DMD: variants seen among roughly 807,000 people sequenced by gnomAD.
DMD encodes the protein mutant dystrophin.
A neutral mutation model predicts 330.1 loss-of-function variants in DMD; 63 were observed. That is an observed-to-expected ratio of 0.19 (90% CI 0.16 to 0.24). DMD has a LOEUF of 0.24. Ranked by LOEUF, DMD falls within the 10% of genes least tolerant of loss-of-function variation. DMD has a pLI of 1.00. For missense variants in DMD, 3,344 were observed against 2,684.1 expected (o/e 1.25, Z -5.43); for synonymous variants, 1,223 against 959.8 (o/e 1.27, Z -5.07).
chrX:32,530,876 T>C (rs950509991), intron 17 of DMD, among the ~76,000 whole-genome samples: 1 of 112,239 alleles, frequency 8.9e-6, no homozygotes, highest in Non-Finnish European at 1.9e-5. Context: ...TCTATGATCA[T>C]ACAATATAAT....
intron 43 of DMD, among the ~76,000 whole-genome samples, chrX:32,248,152 G>T (rs921669622): frequency 9.0e-6 from 1 of 111,320 alleles, no homozygotes; most frequent in Non-Finnish European, 1.9e-5. Context: ...ATTAAGGAAG[G>T]ATATTATCAA....
intron 16 of DMD, among the ~76,000 whole-genome samples, chrX:32,561,823 T>C (rs1314597554): frequency 8.9e-6 from 1 of 111,824 alleles, no homozygotes; most frequent in East Asian, 2.8e-4. Context: ...GGGAAGCCCA[T>C]CAGGGTAACA....
At position 32,679,902 on chromosome X, in the gene DMD, CTTTTTTTTTTTT is replaced by C. The variant is rs766270656; in HGVS notation, c.960+17956_960+17967del. On this transcript the variant is annotated intron_variant, in intron 9 of 78. Coordinates refer to ENST00000357033, the MANE Select transcript of DMD (RefSeq NM_004006.3). ...TGTTCGTTTCGCTCTAATATTTGTACTTTTTTTTTTTTTTTTTTTTTTTTTTTTTTGAGACGG... is the reference window on the plus strand; with the variant it reads ...TGTTCGTTTCGCTCTAATATTTGTACTTTTTTTTTTTTTTTTTTGAGACGG... Among the ~76,000 whole-genome samples the C allele has an allele frequency of 2.2e-3, 52 of 23,595 alleles. 1 individual carries two copies. The highest frequency in any genetic ancestry group is 7.5e-3 in the South Asian group (2 of 267). The allele number at this position is 23,595 out of a possible 115,157, so 20.5% of individuals were successfully genotyped here.
At chrX:31,449,765 T>TATATATAC (rs1721528567) in intron 59 of DMD, among the ~76,000 whole-genome samples, 1 of 29,137 alleles carries the variant, frequency 3.4e-5, no homozygotes, top group Non-Finnish European at 7.7e-5. Flanking sequence ...AATGGTGTGA[T>TATATATAC]ATATATATAT....
chrX:32,514,066 C>G (rs150770618), intron 18 of DMD, among the ~76,000 whole-genome samples: 3 of 110,100 alleles, frequency 2.7e-5, no homozygotes, highest in Non-Finnish European at 5.7e-5. Flanking sequence ...AAAACACAAC[C>G]GGTTTAAAAG....
chrX:32,710,677 G>GA (rs200585097), intron 7 of DMD, among the ~76,000 whole-genome samples: 22 of 109,163 alleles, frequency 2.0e-4, no homozygotes, highest in African/African-American at 5.6e-4. Context: ...GATATCTACA[G>GA]AAAAAAAAAT....
chrX:32,283,975 G>A (rs892285953), intron 43 of DMD, among the ~76,000 whole-genome samples: 3 of 111,164 alleles, frequency 2.7e-5, no homozygotes, highest in Non-Finnish European at 3.8e-5. Context: ...TTGCAGTGAC[G>A]ATAGCAAGCA....
chrX:31,130,019 T>C (rs1331244757), intron 77 of DMD, among the ~76,000 whole-genome samples: 1 of 111,044 alleles, frequency 9.0e-6, no homozygotes, highest in Non-Finnish European at 1.9e-5. Flanking sequence ...AGGCAAGAGA[T>C]TGTACAGGTA....
At chrX:33,250,760 A>G (rs1396722402) in intron 1 of DMD, among the ~76,000 whole-genome samples, 1 of 111,374 alleles carries the variant, frequency 9.0e-6, no homozygotes, top group Non-Finnish European at 1.9e-5. Context: ...AACCATTTAA[A>G]ATATAAATAT....
At chrX:32,269,100 T>C (rs2097355760) in intron 43 of DMD, among the ~76,000 whole-genome samples, 1 of 110,987 alleles carries the variant, frequency 9.0e-6, no homozygotes, top group Non-Finnish European at 1.9e-5. Flanking sequence ...GCAAATGGGC[T>C]CCCGCGTGCG....
intron 1 of DMD, among the ~76,000 whole-genome samples, chrX:33,094,989 A>T (rs2148333554): frequency 8.9e-6 from 1 of 111,835 alleles, no homozygotes; most frequent in Admixed American, 9.5e-5. Flanking sequence ...TTACAAAAAC[A>T]AATTTGGTTT....
intron 1 of DMD, among the ~76,000 whole-genome samples, chrX:33,062,513 GT>G (rs1432706685): frequency 3.6e-5 from 4 of 112,213 alleles, no homozygotes; most frequent in African/African-American, 1.3e-4. Context: ...GTCTCGTTCT[GT>G]TGCCCAGGCT....
intron 29 of DMD, among the ~76,000 whole-genome samples, chrX:32,432,209 A>G (rs2098241222): frequency 9.0e-6 from 1 of 111,492 alleles, no homozygotes; most frequent in Non-Finnish European, 1.9e-5. Flanking sequence ...CTCTCTGCCC[A>G]TTATCTTACT....
intron 63 of DMD, among the ~76,000 whole-genome samples, chrX:31,223,855 T>A (rs1486569675): frequency 8.9e-6 from 1 of 112,564 alleles, no homozygotes; most frequent in Admixed American, 9.4e-5. Context: ...TATGTGTCTA[T>A]GTGTGTGATA....
intron 44 of DMD, among the ~76,000 whole-genome samples, chrX:32,071,211 C>T (rs142540817): frequency 0.022 from 2,389 of 110,047 alleles, 24 homozygotes; most frequent in Non-Finnish European, 0.034. Flanking sequence ...AATGGTAATT[C>T]TAGTTCTAGA....
chrX:32,772,547 G>C (rs1458599882), intron 7 of DMD, among the ~76,000 whole-genome samples: 1 of 111,894 alleles, frequency 8.9e-6, no homozygotes, highest in African/African-American at 3.2e-5. Flanking sequence ...AGTTTTTAAG[G>C]TCACACATCT....
chrX:32,079,375 G>A (rs1381677865), intron 44 of DMD, among the ~76,000 whole-genome samples: 2 of 111,052 alleles, frequency 1.8e-5, no homozygotes, highest in Non-Finnish European at 3.8e-5. Flanking sequence ...CGGGTGGATC[G>A]CTTGAGGTCA....
chrX:31,874,509 A>G (rs1216793854), intron 48 of DMD, among the ~76,000 whole-genome samples: 2 of 111,902 alleles, frequency 1.8e-5, no homozygotes, highest in African/African-American at 6.5e-5. Flanking sequence ...AATCACAGTA[A>G]CAAATATGAT....
At chrX:33,067,911 G>A (rs989803359) in intron 1 of DMD, among the ~76,000 whole-genome samples, 1 of 111,345 alleles carries the variant, frequency 9.0e-6, no homozygotes, top group Non-Finnish European at 1.9e-5. Flanking sequence ...ACTGTTAATG[G>A]TTGATTCCAT....
Sources: gnomAD v4.1 joint callset for allele counts (sites outside exome capture counted in the v4.1 genomes callset) on GRCh38, gnomAD v4.1.1 for gene constraint, MANE v1.5 for transcripts, NCBI Gene and HGNC (gene_info 2026-07-23, HGNC 2026-07-21) for gene names.